Variants in JPH1 observed in about 807,000 individuals in gnomAD.
The protein encoded by JPH1 is junctophilin-1.
Under a neutral mutation model 53.6 loss-of-function variants are expected in JPH1, and 12 were observed. The observed-to-expected ratio is 0.22, with a 90% confidence interval of 0.14 to 0.36. The LOEUF (loss-of-function observed/expected upper bound fraction) is 0.36, where lower values mean the gene tolerates loss of function less well. JPH1 is among the 10% of genes least tolerant of loss of function. JPH1 has a pLI of 1.00. For synonymous variants in JPH1, 375 were observed against 363.8 expected, an observed-to-expected ratio of 1.03 and a Z score of -0.35; for missense variants, 808 against 905.5, an observed-to-expected ratio of 0.89 and a Z score of 1.38.
At chr8:74,255,575 C>T (rs1041779406) in intron 3 of JPH1, among the ~76,000 whole-genome samples, 2 of 152,102 alleles carry the variant, frequency 1.3e-5, no homozygotes, top group African/African-American at 4.8e-5. Flanking sequence ...AGCTTCTGCA[C>T]AGCAAAATAA....
At chr8:74,278,376 G>T (rs1170594183) in intron 2 of JPH1, among the ~76,000 whole-genome samples, 1 of 152,140 alleles carries the variant, frequency 6.6e-6, no homozygotes, top group African/African-American at 2.4e-5. Context: ...CCATAGCCAG[G>T]ATTCACTGGT....
intron 2 of JPH1, among the ~76,000 whole-genome samples, chr8:74,275,130 A>G (rs16938845): frequency 0.086 from 13,093 of 152,194 alleles, 591 homozygotes; most frequent in Middle Eastern, 0.12. Flanking sequence ...AAACCATCTT[A>G]GAAATGTTAA....
intron 2 of JPH1, among the ~76,000 whole-genome samples, chr8:74,270,619 A>C (rs1358075623): frequency 6.6e-6 from 1 of 152,228 alleles, no homozygotes; most frequent in Non-Finnish European, 1.5e-5. Context: ...CATCAAGATA[A>C]AAATATTTAA....
Position 74,321,084 on chromosome 8 carries a change from C to G in JPH1, c.204G>C (p.Lys68Asn). 1.2e-6 allele frequency: 2 copies of G among 1,613,606 alleles called. No individual in the cohort carries two copies. Among genetic ancestry groups the G allele is most frequent in the South Asian group, 2.2e-5 (2 of 91,026 alleles). The change falls in exon 1 of 6, where the codon AAG (lysine) becomes AAC (asparagine). Residue 68 changes from lysine (K) to asparagine (N), a missense_variant. Lys to Asn is a moderately conservative substitution (Grantham distance 94). This residue lies in a region of JPH1 where 756 missense variants were observed against 811.9 expected (regional missense o/e 0.93). Coordinates refer to ENST00000342232, the MANE Select transcript of JPH1 (RefSeq NM_020647.4). This position sits in a 1 kb window ranked among gnomAD's most constrained non-coding sequence, Gnocchi z 4.3. ...TCGTCTCCACCCCCAGCCCGTGCCGCTTGCCCTGCGCCCAGTAGCCCTGGT... is the reference window on the plus strand; with the variant it reads ...TCGTCTCCACCCCCAGCCCGTGCCGGTTGCCCTGCGCCCAGTAGCCCTGGT... ...NTYQGYWAQGKRHGLGVETKG... is the reference protein window; with the variant it reads ...NTYQGYWAQGNRHGLGVETKG...
At chr8:74,311,866 C>T (rs1808007279) in intron 2 of JPH1, among the ~76,000 whole-genome samples, 1 of 152,016 alleles carries the variant, frequency 6.6e-6, no homozygotes, top group Non-Finnish European at 1.5e-5. Flanking sequence ...TTTTTTATGG[C>T]TGCATAGTAT....
At chr8:74,317,415 A>G (rs1201187408) in intron 1 of JPH1, among the ~76,000 whole-genome samples, 2 of 152,172 alleles carry the variant, frequency 1.3e-5, no homozygotes, top group East Asian at 3.9e-4. Flanking sequence ...ACTCAAGAGG[A>G]TAAGATAGTC....
At chr8:74,319,781 C>T (rs568296629) in intron 1 of JPH1, among the ~76,000 whole-genome samples, 2 of 152,302 alleles carry the variant, frequency 1.3e-5, no homozygotes, top group South Asian at 4.1e-4. Flanking sequence ...AGTGATGTCG[C>T]CTCCTACAAC....
chr8:74,276,057 AAATG>A (rs1246821914), intron 2 of JPH1, among the ~76,000 whole-genome samples: 3 of 152,242 alleles, frequency 2.0e-5, no homozygotes, highest in African/African-American at 7.2e-5. Flanking sequence ...TCTAAGATTT[AAATG>A]AATGAAAGGG....
chr8:74,283,254 C>T (rs187840543), intron 2 of JPH1, among the ~76,000 whole-genome samples: 7 of 151,486 alleles, frequency 4.6e-5, no homozygotes, highest in Non-Finnish European at 7.4e-5. Context: ...TTATTAATAT[C>T]TTAAATATAT....
At chr8:74,242,747 C>A (rs1586729942) in intron 4 of JPH1, among the ~76,000 whole-genome samples, 2 of 152,204 alleles carry the variant, frequency 1.3e-5, no homozygotes, top group Non-Finnish European at 2.9e-5. Context: ...CTCAGGGTAG[C>A]TGCGGAGCTG....
intron 3 of JPH1, among the ~76,000 whole-genome samples, chr8:74,248,980 C>T (rs1805951698): frequency 1.3e-5 from 2 of 152,144 alleles, no homozygotes; most frequent in African/African-American, 4.8e-5. Flanking sequence ...ATTTTCTCCC[C>T]CTGGAGACTC....
chr8:74,267,336 T>C (rs1439565460), intron 2 of JPH1, among the ~76,000 whole-genome samples: 1 of 152,134 alleles, frequency 6.6e-6, no homozygotes, highest in Non-Finnish European at 1.5e-5. Flanking sequence ...AGAAGGTAAA[T>C]GGAACAGCAG....
At chr8:74,268,108 G>A (rs982437754) in intron 2 of JPH1, among the ~76,000 whole-genome samples, 1 of 152,168 alleles carries the variant, frequency 6.6e-6, no homozygotes, top group East Asian at 1.9e-4. Flanking sequence ...CTACTTCATA[G>A]AGTTGTTCTG....
At chr8:74,253,622 T>C (rs1806131565) in intron 3 of JPH1, among the ~76,000 whole-genome samples, 1 of 151,812 alleles carries the variant, frequency 6.6e-6, no homozygotes, top group Non-Finnish European at 1.5e-5. Context: ...TTTGAAAAGA[T>C]CAACACAATT....
chr8:74,318,495 C>CA (rs898066814), intron 1 of JPH1, among the ~76,000 whole-genome samples: 1 of 152,092 alleles, frequency 6.6e-6, no homozygotes, highest in African/African-American at 2.4e-5. Flanking sequence ...AGAATTAGCA[C>CA]AAAAAATTCT....
At chr8:74,291,873 G>A (rs1198965200) in intron 2 of JPH1, among the ~76,000 whole-genome samples, 8 of 152,160 alleles carry the variant, frequency 5.3e-5, no homozygotes, top group Non-Finnish European at 1.2e-4. Flanking sequence ...CATGTCCTTT[G>A]TAGGGACATG....
In JPH1 at chr8:74,315,937, A is replaced by G. The variant is rs1225123013; in HGVS notation, c.380-317T>C. 6.6e-6 allele frequency among the ~76,000 whole-genome samples: 1 copy of G among 152,234 alleles called. No homozygotes were observed. Among genetic ancestry groups the G allele is most frequent in the Non-Finnish European group, 1.5e-5 (1 of 68,046 alleles). ...CACTGGGAAACAACATTCTCCTCTGAAATTAATGCATCAAAAATTCCTCTT... is the reference window on the plus strand; with the variant it reads ...CACTGGGAAACAACATTCTCCTCTGGAATTAATGCATCAAAAATTCCTCTT... On this transcript the variant is annotated intron_variant, in intron 1 of 5. Coordinates refer to ENST00000342232, the MANE Select transcript of JPH1 (RefSeq NM_020647.4). The surrounding 1 kb of genome is among the most constrained non-coding windows in gnomAD (Gnocchi z 6.3).
intron 2 of JPH1, among the ~76,000 whole-genome samples, chr8:74,291,322 G>A (rs1297803627): frequency 6.6e-6 from 1 of 152,218 alleles, no homozygotes; most frequent in Non-Finnish European, 1.5e-5. Flanking sequence ...GTGGGGATAT[G>A]AACAGACACT....
intron 1 of JPH1, among the ~76,000 whole-genome samples, chr8:74,319,775 A>T (rs1808262394): frequency 6.6e-6 from 1 of 152,232 alleles, no homozygotes. Flanking sequence ...CCAAAAAGTG[A>T]TGTCGCCTCC....
Sources: gnomAD v4.1 joint callset for allele counts (sites outside exome capture counted in the v4.1 genomes callset) on GRCh38, gnomAD v4.1.1 for gene constraint, gnomAD v4.1.1 regional missense constraint, Gnocchi (gnomAD v3.1) non-coding constraint, MANE v1.5 for transcripts, NCBI Gene and HGNC (gene_info 2026-07-23, HGNC 2026-07-21) for gene names.